MSRA: variants seen among roughly 807,000 people sequenced by gnomAD.
MSRA encodes methionine sulfoxide reductase A.
Under a neutral mutation model 31.3 loss-of-function variants are expected in MSRA, and 54 were observed. That is an observed-to-expected ratio of 1.73 (90% CI 1.39 to 2.17). The LOEUF is 2.17. Ranked by LOEUF, MSRA falls within the 30% of genes most tolerant of loss-of-function variation. MSRA has a pLI of 0.00. For missense variants in MSRA, 507 were observed against 300.9 expected, an observed-to-expected ratio of 1.69 and a Z score of -5.07; for synonymous variants, 169 against 116.5, an observed-to-expected ratio of 1.45 and a Z score of -2.90.
At chr8:10,061,810 C>A (rs1260786492) in intron 1 of MSRA, among the ~76,000 whole-genome samples, 1 of 152,190 alleles carries the variant, frequency 6.6e-6, no homozygotes, top group African/African-American at 2.4e-5. Flanking sequence ...CTGAACTTTT[C>A]CCTGAGTTAT....
At chr8:10,365,570 A>C (rs1585594131) in intron 5 of MSRA, among the ~76,000 whole-genome samples, 1 of 152,192 alleles carries the variant, frequency 6.6e-6, no homozygotes. Context: ...CAGCATTTTT[A>C]CCTGATTCTC....
At chr8:10,154,429 G>C (rs1803977939) in intron 1 of MSRA, among the ~76,000 whole-genome samples, 1 of 151,900 alleles carries the variant, frequency 6.6e-6, no homozygotes, top group Admixed American at 6.6e-5. Context: ...CCAGGCTGGA[G>C]TGCAGTGGCA....
At chr8:10,163,899 C>T (rs548833291) in intron 1 of MSRA, among the ~76,000 whole-genome samples, 18 of 152,216 alleles carry the variant, frequency 1.2e-4, no homozygotes, top group Non-Finnish European at 2.6e-4. Context: ...GTTGCTGGCC[C>T]ACAGCTGAAC....
chr8:10,422,337 A>G (rs1303560952), intron 5 of MSRA, among the ~76,000 whole-genome samples: 1 of 152,174 alleles, frequency 6.6e-6, no homozygotes, highest in Non-Finnish European at 1.5e-5. Context: ...CCCTCTCTGC[A>G]TTCCTCGTCC....
At chr8:10,089,972 G>A (rs1798776818) in intron 1 of MSRA, among the ~76,000 whole-genome samples, 1 of 152,112 alleles carries the variant, frequency 6.6e-6, no homozygotes, top group Non-Finnish European at 1.5e-5. Flanking sequence ...CATCACAGTG[G>A]GTATCAAATT....
intron 1 of MSRA, among the ~76,000 whole-genome samples, chr8:10,093,533 A>G (rs1478975559): frequency 6.6e-6 from 1 of 152,210 alleles, no homozygotes; most frequent in African/African-American, 2.4e-5. Flanking sequence ...ACATAGGTTT[A>G]TAACAACAGT....
intron 1 of MSRA, among the ~76,000 whole-genome samples, chr8:10,077,625 C>G (rs372549817): frequency 7.5e-4 from 114 of 152,012 alleles, no homozygotes; most frequent in African/African-American, 2.6e-3. Flanking sequence ...GACTGGACCC[C>G]TTTTGTTTTT....
At chr8:10,259,854 A>G (rs1414497922) in intron 3 of MSRA, among the ~76,000 whole-genome samples, 2 of 152,172 alleles carry the variant, frequency 1.3e-5, no homozygotes, top group African/African-American at 4.8e-5. Flanking sequence ...AGTCGGTGCC[A>G]CCCAGCTCGC....
At chr8:10,151,293 G>A (rs1186839906) in intron 1 of MSRA, among the ~76,000 whole-genome samples, 1 of 149,738 alleles carries the variant, frequency 6.7e-6, no homozygotes, top group East Asian at 2.0e-4. Context: ...AAAAAATAAG[G>A]GCTTCCTGTA....
chr8:10,186,710 G>A (rs1259725967), intron 1 of MSRA, among the ~76,000 whole-genome samples: 1 of 152,294 alleles, frequency 6.6e-6, no homozygotes, highest in South Asian at 2.1e-4. Flanking sequence ...AAGGGATTTG[G>A]GGTAGTAGTG....
chr8:10,336,655 G>GTGTA (rs1803064811), intron 5 of MSRA: 1 of 152,152 alleles, frequency 6.6e-6, no homozygotes, highest in Non-Finnish European at 1.5e-5. Flanking sequence ...TTGTTGCTCT[G>GTGTA]TGTAGCCTTT....
At chr8:10,132,251 A>G (rs1801948760) in intron 1 of MSRA, among the ~76,000 whole-genome samples, 1 of 152,202 alleles carries the variant, frequency 6.6e-6, no homozygotes, top group Non-Finnish European at 1.5e-5. Flanking sequence ...GGACTTTCAG[A>G]TGACTTATTT....
rs370778469 is a variant in MSRA at position 10,245,320 on chromosome 8, T to C, written c.331+97T>C. 5 of 1,147,650 alleles carry C rather than the reference T, an allele frequency of 4.4e-6. No individual in the cohort carries two copies. The East Asian group carries it at 1.2e-4, about 27-fold the overall frequency. 71.1% of individuals were successfully genotyped at this position (1,147,650 alleles called of 1,614,324 possible). A position where few individuals can be genotyped will look rare whatever the true frequency, so the allele number is the denominator to read the frequency against. ...GCTCTTTAAAATGGAAATATGTTTT[T>C]TTAAAAATGTTTCTTCAATCTTTAT... On this transcript the variant is annotated intron_variant, in intron 3 of 5. Coordinates refer to ENST00000317173, the MANE Select transcript of MSRA (RefSeq NM_012331.5).
intron 5 of MSRA, among the ~76,000 whole-genome samples, chr8:10,417,419 GACACACACACACACAC>G (rs1184991397): frequency 4.1e-5 from 6 of 145,380 alleles, no homozygotes; most frequent in Non-Finnish European, 9.0e-5. Context: ...TTCGTCAGAA[GACACACACACACACAC>G]ACACACACAC....
intron 5 of MSRA, among the ~76,000 whole-genome samples, chr8:10,340,336 A>G (rs953008677): frequency 2.0e-5 from 3 of 152,178 alleles, no homozygotes; most frequent in South Asian, 2.1e-4. Flanking sequence ...AATTCCACGT[A>G]TGGTGGCAAG....
intron 5 of MSRA, among the ~76,000 whole-genome samples, chr8:10,353,385 C>A (rs377602097): frequency 6.6e-6 from 1 of 152,272 alleles, no homozygotes; most frequent in African/African-American, 2.4e-5. Flanking sequence ...ACCACCAGGG[C>A]CGTCCGTGGC....
chr8:10,116,485 G>A (rs997105564), intron 1 of MSRA, among the ~76,000 whole-genome samples: 3 of 152,118 alleles, frequency 2.0e-5, no homozygotes, highest in Admixed American at 6.5e-5. Flanking sequence ...TACGCTCTGC[G>A]GTACAGAGAA....
At chr8:10,285,138 C>T (rs775250646) in intron 3 of MSRA, among the ~76,000 whole-genome samples, 3 of 152,094 alleles carry the variant, frequency 2.0e-5, no homozygotes, top group Non-Finnish European at 2.9e-5. Context: ...CAGTCATCAC[C>T]ACCATCCACT....
intron 1 of MSRA, among the ~76,000 whole-genome samples, chr8:10,066,837 G>T (rs1183971698): frequency 6.6e-6 from 1 of 151,640 alleles, no homozygotes; most frequent in African/African-American, 2.4e-5. Context: ...ACCTGGCTCA[G>T]CTGGTATATC....
Sources: gnomAD v4.1 joint callset for allele counts (sites outside exome capture counted in the v4.1 genomes callset) on GRCh38, gnomAD v4.1.1 for gene constraint, MANE v1.5 for transcripts, NCBI Gene and HGNC (gene_info 2026-07-23, HGNC 2026-07-21) for gene names.